Variants in ARHGAP10 observed in about 807,000 individuals in gnomAD.
ARHGAP10 encodes rho GTPase-activating protein 10.
Under a neutral mutation model 108.6 loss-of-function variants are expected in ARHGAP10, and 87 were observed. The observed-to-expected ratio is 0.80, with a 90% confidence interval of 0.67 to 0.96. The LOEUF (loss-of-function observed/expected upper bound fraction) is 0.96. ARHGAP10 is among the 40% of genes least tolerant of loss of function. The pLI, the probability that ARHGAP10 is intolerant of heterozygous loss-of-function variation, is 0.00. For synonymous variants in ARHGAP10, 347 were observed against 341.1 expected, an observed-to-expected ratio of 1.02 and a Z score of -0.19; for missense variants, 939 against 954.5, an observed-to-expected ratio of 0.98 and a Z score of 0.21.
intron 10 of ARHGAP10, among the ~76,000 whole-genome samples, chr4:147,884,832 C>T (rs182520312): frequency 7.6e-4 from 115 of 152,254 alleles, no homozygotes; most frequent in African/African-American, 2.4e-3. Flanking sequence ...GGGGCAACGG[C>T]CTGAACTTGA....
chr4:147,964,010 C>A (rs1214281995), intron 16 of ARHGAP10, among the ~76,000 whole-genome samples: 1 of 152,246 alleles, frequency 6.6e-6, no homozygotes, highest in South Asian at 2.1e-4. Flanking sequence ...CAAATAAGAT[C>A]GTGTATTAAG....
chr4:147,752,091 G>T (rs1487296767), intron 1 of ARHGAP10, among the ~76,000 whole-genome samples: 2 of 152,004 alleles, frequency 1.3e-5, no homozygotes, highest in Non-Finnish European at 1.5e-5. Flanking sequence ...CACCATATTG[G>T]CCAGGATGGT....
In ARHGAP10 at chr4:147,955,299, C is replaced by T; in HGVS notation, c.1392-17C>T. The T allele has an allele frequency of 6.2e-7, 1 of 1,602,114 alleles. No individual in the cohort carries two copies. The highest frequency in any genetic ancestry group is 8.5e-7 in the Non-Finnish European group (1 of 1,172,358). On this transcript the variant is annotated splice_polypyrimidine_tract_variant and intron_variant, in intron 15 of 22. Coordinates refer to ENST00000336498, the MANE Select transcript of ARHGAP10 (RefSeq NM_024605.4). ...TTTGGATTTATTTGATAATTCTGAG[C>T]TGTTCTTTTCACACAGGAGTCTTCC... is the stretch of plus-strand genomic sequence containing the variant.
chr4:147,846,780 A>G (rs1325220502), intron 3 of ARHGAP10, among the ~76,000 whole-genome samples: 33 of 152,188 alleles, frequency 2.2e-4, no homozygotes, highest in Admixed American at 2.2e-3. Context: ...AAGGAATGTA[A>G]TTGAATTTTA....
At chr4:147,794,148 T>C (rs1377568335) in intron 1 of ARHGAP10, among the ~76,000 whole-genome samples, 1 of 152,146 alleles carries the variant, frequency 6.6e-6, no homozygotes, top group Non-Finnish European at 1.5e-5. Context: ...AAGTGCAAAG[T>C]AAGTGCCACA....
intron 1 of ARHGAP10, among the ~76,000 whole-genome samples, chr4:147,755,537 GA>G (rs113012026): frequency 1.1e-4 from 17 of 151,366 alleles, no homozygotes; most frequent in Admixed American, 5.3e-4. Flanking sequence ...AAAAGGGAAA[GA>G]AAAAAAAATA....
intron 19 of ARHGAP10, among the ~76,000 whole-genome samples, chr4:148,026,543 T>A (rs546015899): frequency 6.6e-6 from 1 of 152,330 alleles, no homozygotes; most frequent in African/African-American, 2.4e-5. Flanking sequence ...TTGCAATATA[T>A]GATTAAATGA....
At chr4:147,922,194 C>T (rs541183519) in intron 13 of ARHGAP10, among the ~76,000 whole-genome samples, 21 of 151,988 alleles carry the variant, frequency 1.4e-4, no homozygotes, top group South Asian at 2.1e-4. Flanking sequence ...ATTTGGGACC[C>T]GAGGGCCATC....
At chr4:147,930,313 G>A (rs1578701814) in intron 13 of ARHGAP10, among the ~76,000 whole-genome samples, 1 of 152,184 alleles carries the variant, frequency 6.6e-6, no homozygotes, top group East Asian at 1.9e-4. Context: ...TTTCTGTCAT[G>A]TATTTTATTT....
chr4:147,853,131 A>G (rs902314306), intron 4 of ARHGAP10, among the ~76,000 whole-genome samples: 19 of 152,238 alleles, frequency 1.2e-4, no homozygotes, highest in African/African-American at 4.1e-4. Flanking sequence ...GGTGGACACC[A>G]GCCTTGGACA....
At chr4:148,023,123 T>A (rs746598561) in intron 18 of ARHGAP10, 140 bp from the exon 19 acceptor site, 3 of 848,806 alleles carry the variant, frequency 3.5e-6, no homozygotes, top group Non-Finnish European at 5.2e-6. Flanking sequence ...ACCTCTTCCC[T>A]TCATTGGAAG....
intron 1 of ARHGAP10, among the ~76,000 whole-genome samples, chr4:147,773,722 G>A (rs1730170143): frequency 6.6e-6 from 1 of 152,176 alleles, no homozygotes; most frequent in Non-Finnish European, 1.5e-5. Context: ...TGGAATGATA[G>A]GGAATCCCTA....
At chr4:147,765,344 G>A in intron 1 of ARHGAP10, among the ~76,000 whole-genome samples, 1 of 147,792 alleles carries the variant, frequency 6.8e-6, no homozygotes, top group Non-Finnish European at 1.5e-5. Context: ...GTGTGGGGGG[G>A]GGGGTGTGAG....
intron 16 of ARHGAP10, among the ~76,000 whole-genome samples, chr4:147,957,398 T>C (rs1055733589): frequency 3.9e-5 from 6 of 152,182 alleles, no homozygotes; most frequent in African/African-American, 1.4e-4. Context: ...TATGGACTTT[T>C]AAGGATCGAA....
At chr4:147,854,930 T>G (rs1734027498) in intron 4 of ARHGAP10, 2 of 940,472 alleles carry the variant, frequency 2.1e-6, no homozygotes, top group Non-Finnish European at 2.5e-6. Context: ...TTCCCAACTT[T>G]ACCCACATGT....
chr4:147,833,496 G>C (rs1325784158), intron 3 of ARHGAP10, among the ~76,000 whole-genome samples: 4 of 152,160 alleles, frequency 2.6e-5, no homozygotes, highest in African/African-American at 4.8e-5. Context: ...GTCTCAAGCA[G>C]TAACTTCATA....
intron 19 of ARHGAP10, among the ~76,000 whole-genome samples, chr4:148,023,862 C>G (rs921247040): frequency 1.3e-5 from 2 of 152,244 alleles, no homozygotes; most frequent in Non-Finnish European, 2.9e-5. Context: ...ACTTGTTCAT[C>G]AGGCAGAATG....
At chr4:147,988,693 G>A (rs1357256792) in intron 18 of ARHGAP10, among the ~76,000 whole-genome samples, 1 of 152,176 alleles carries the variant, frequency 6.6e-6, no homozygotes, top group Non-Finnish European at 1.5e-5. Flanking sequence ...TAAAAAAATG[G>A]GGTCTAGAAC....
At position 147,956,856 on chromosome 4, in the gene ARHGAP10, C is replaced by T. The variant is rs138271859; in HGVS notation, c.1450+1482C>T. ...ATGACCACAATCATTAGTATTATTA[C>T]GCCCCATAACTGATGGCAGTGTTTT... On this transcript the variant is annotated intron_variant, in intron 16 of 22. Transcript: ENST00000336498. Among the ~76,000 whole-genome samples the T allele has an allele frequency of 4.8e-4, 73 of 151,440 alleles. 1 individual carries two copies. The highest frequency in any genetic ancestry group is 2.9e-3 in the East Asian group (15 of 5,146).
Sources: allele counts gnomAD v4.1 joint callset (sites outside exome capture counted in the v4.1 genomes callset), GRCh38; gene constraint gnomAD v4.1.1; transcripts MANE v1.5; gene names NCBI Gene and HGNC (gene_info 2026-07-23, HGNC 2026-07-21).